The following GNPDA2 variants were observed in gnomAD, a reference collection of about 807,000 sequenced individuals.
GNPDA2 encodes glcN6P deaminase 2.
In GNPDA2, 24 loss-of-function variants were observed where a neutral mutation model predicts 27.0. The ratio of observed to expected loss-of-function variants is 0.89; its 90% CI spans 0.64 to 1.25. The LOEUF (loss-of-function observed/expected upper bound fraction) is 1.25, where lower values mean the gene tolerates loss of function less well. Ranked by LOEUF, GNPDA2 falls within the 50% of genes most tolerant of loss-of-function variation. The probability of loss-of-function intolerance (pLI) is 0.00; values close to 1 mark genes in which losing one functional copy is unlikely to be tolerated. For missense variants in GNPDA2, 286 were observed against 335.1 expected, an observed-to-expected ratio of 0.85 and a Z score of 1.14; for synonymous variants, 94 against 108.4, an observed-to-expected ratio of 0.87 and a Z score of 0.83.
intron 5 of GNPDA2, among the ~76,000 whole-genome samples, chr4:44,708,583 G>A (rs139939081): frequency 8.0e-4 from 121 of 152,068 alleles, no homozygotes; most frequent in African/African-American, 2.7e-3. Context: ...TTGGTCCCCA[G>A]GCCCTAAATG....
chr4:44,707,559 GAAA>G (rs11337450), intron 6 of GNPDA2, 190 bp downstream of exon 6: 561 of 360,718 alleles, frequency 1.6e-3, no homozygotes, highest in South Asian at 4.9e-3. Flanking sequence ...TTCTCTTCAT[GAAA>G]AAAAAAAAAA....
chr4:44,724,374 AT>A (rs1309361009), intron 1 of GNPDA2, among the ~76,000 whole-genome samples: 2 of 152,124 alleles, frequency 1.3e-5, no homozygotes, highest in African/African-American at 4.8e-5. Flanking sequence ...ATAATGAATT[AT>A]TTTCCTTCGG....
chr4:44,702,394 A>G lies in GNPDA2; in HGVS notation c.*687T>C. 2 of 964,840 alleles carry G rather than the reference A, an allele frequency of 2.1e-6. No homozygotes were observed. Among genetic ancestry groups the G allele is most frequent in the Non-Finnish European group, 2.5e-6 (2 of 810,926 alleles). The allele number at this position is 964,840 out of a possible 1,614,324, so 59.8% of individuals were successfully genotyped here. ...AAAGCTCATAATTGTCAAGATACTTATATTAGGGACATGAACCCAAGTCGT... is the reference window on the plus strand; with the variant it reads ...AAAGCTCATAATTGTCAAGATACTTGTATTAGGGACATGAACCCAAGTCGT... On this transcript the variant is annotated 3_prime_UTR_variant, in exon 7 of 7. Coordinates refer to ENST00000295448, the MANE Select transcript of GNPDA2 (RefSeq NM_138335.3).
chr4:44,715,945 T>G (rs1560361585), intron 4 of GNPDA2, among the ~76,000 whole-genome samples: 1 of 152,118 alleles, frequency 6.6e-6, no homozygotes, highest in East Asian at 1.9e-4. Flanking sequence ...TATTTCCGCA[T>G]TTACAGTTGA....
At chr4:44,720,025 T>A (rs1215709367) in intron 2 of GNPDA2, among the ~76,000 whole-genome samples, 2 of 152,074 alleles carry the variant, frequency 1.3e-5, no homozygotes, top group Non-Finnish European at 2.9e-5. Context: ...TAAAAAAGAC[T>A]ACAATCTTGC....
At chr4:44,711,242 C>T in intron 4 of GNPDA2, 105 bp from the exon 5 acceptor site, 1 of 599,546 alleles carries the variant, frequency 1.7e-6, no homozygotes, top group South Asian at 4.2e-5. Flanking sequence ...TTATTTTATA[C>T]TTGAATTCCT....
At chr4:44,718,802 T>G (rs540518880) in intron 2 of GNPDA2, among the ~76,000 whole-genome samples, 1 of 152,080 alleles carries the variant, frequency 6.6e-6, no homozygotes, top group South Asian at 2.1e-4. Context: ...GACCATTTAC[T>G]GAAATTAAAA....
chr4:44,711,034 G>A lies in GNPDA2; in HGVS notation c.513C>T (p.Ala171=). 6.2e-7 allele frequency: 1 copy of A among 1,613,114 alleles called. No individual in the cohort carries two copies. Among genetic ancestry groups the A allele is most frequent in the Non-Finnish European group, 8.5e-7 (1 of 1,179,518 alleles). ...TTGATAAATCTCCATCAAAATATTT[G>A]GCATTTGCCAAGATGGTATCCATTG... ...TLAMDTILAN[A]KYFDGDLSKV... Residue 171 remains alanine, a synonymous_variant, in exon 5 of 7, where the codon GCC becomes GCT. Transcript: ENST00000295448.
intron 4 of GNPDA2, among the ~76,000 whole-genome samples, chr4:44,715,384 A>G (rs1483097781): frequency 6.6e-6 from 1 of 152,174 alleles, no homozygotes; most frequent in Non-Finnish European, 1.5e-5. Flanking sequence ...AGGGGGAAAG[A>G]AAGTCTACAA....
chr4:44,726,232 G>A (rs992167006), intron 1 of GNPDA2, among the ~76,000 whole-genome samples: 15 of 143,872 alleles, frequency 1.0e-4, no homozygotes, highest in Non-Finnish European at 1.9e-4. Flanking sequence ...AAGAAGCCGC[G>A]AGAGAGGAGA....
At chr4:44,709,270 T>C (rs1716816792) in intron 5 of GNPDA2, among the ~76,000 whole-genome samples, 1 of 152,022 alleles carries the variant, frequency 6.6e-6, no homozygotes, top group South Asian at 2.1e-4. Context: ...AAGCTTAGTA[T>C]AGGATGAAGA....
In GNPDA2 at chr4:44,717,304, G is replaced by A; in HGVS notation, c.227-9C>T. The A allele has an allele frequency of 7.1e-7, 1 of 1,401,858 alleles. No individual in the cohort carries two copies. The allele number at this position is 1,401,858 out of a possible 1,614,324, so 86.8% of individuals were successfully genotyped here. A position where few individuals can be genotyped will look rare whatever the true frequency, so the allele number is the denominator to read the frequency against. ...ATGATTTCTTGGAAGTCCTAAAGAT[G>A]AAGTTAATAAAAATATAAGTATTCC... On this transcript the variant is annotated splice_polypyrimidine_tract_variant and intron_variant, in intron 3 of 6. Transcript: ENST00000295448.
chr4:44,702,973 C>T lies in GNPDA2; in HGVS notation c.*108G>A. The T allele has an allele frequency of 6.5e-7, 1 of 1,547,204 alleles. No individual in the cohort carries two copies. Among genetic ancestry groups the T allele is most frequent in the Non-Finnish European group, 8.7e-7 (1 of 1,155,886 alleles). On this transcript the variant is annotated 3_prime_UTR_variant, in exon 7 of 7. Transcript: ENST00000295448. ...CATAGAGACTCGAATGAAAAAATGA[C>T]AATCTTCAAAATTCCCCATGTTTTG...
At chr4:44,704,344 A>G in intron 6 of GNPDA2, 1 of 958,616 alleles carries the variant, frequency 1.0e-6, no homozygotes, top group Non-Finnish European at 1.2e-6. Flanking sequence ...CCAGAGTATC[A>G]CTTTGTAGAG....
At chr4:44,714,730 C>T (rs905786192) in intron 4 of GNPDA2, 1 of 877,108 alleles carries the variant, frequency 1.1e-6, no homozygotes, top group African/African-American at 1.8e-5. Flanking sequence ...GATGATAAAC[C>T]TAGATCAACA....
chr4:44,725,943 G>A (rs766233599), intron 1 of GNPDA2, among the ~76,000 whole-genome samples: 6 of 152,156 alleles, frequency 3.9e-5, no homozygotes, highest in Non-Finnish European at 8.8e-5. Flanking sequence ...TAATGGCGGG[G>A]CCAAGACCAG....
Position 44,707,862 on chromosome 4 carries a change from A to G in GNPDA2, c.659T>C (p.Val220Ala). The change falls in exon 6 of 7, where the codon GTC (valine) becomes GCC (alanine). Residue 220 changes from valine (V) to alanine (A), a missense_variant. Transcript: ENST00000295448. ...FALYKAIEEG[V>A]NHMWTVSAFQ... is the part of the protein sequence containing the mutation. ...AGCGGAAACAGTCCACATGTGATTG[A>G]CTCCTTCTTCTATTGCTTTGTACAG... 6.2e-7 allele frequency: 1 copy of G among 1,612,960 alleles called. No individual in the cohort carries two copies. Among genetic ancestry groups the G allele is most frequent in the Non-Finnish European group, 8.5e-7 (1 of 1,179,278 alleles).
chr4:44,718,304 C>A lies in GNPDA2; in HGVS notation c.226+5G>T. On this transcript the variant is annotated splice_donor_5th_base_variant and intron_variant, in intron 3 of 6. Transcript: ENST00000295448. ...TAATGGTCAATATATTTAAGTATAG[C>A]TTACCTACATATTCATCCATATTAA... 9.1e-7 allele frequency: 1 copy of A among 1,092,918 alleles called. No homozygotes were observed. Among genetic ancestry groups the A allele is most frequent in the Non-Finnish European group, 1.3e-6 (1 of 754,338 alleles). The allele number at this position is 1,092,918 out of a possible 1,614,324, so 67.7% of individuals were successfully genotyped here. A position where few individuals can be genotyped will look rare whatever the true frequency, so the allele number is the denominator to read the frequency against.
At chr4:44,724,566 T>C (rs1218223800) in intron 1 of GNPDA2, among the ~76,000 whole-genome samples, 1 of 109,400 alleles carries the variant, frequency 9.1e-6, no homozygotes, top group Non-Finnish European at 2.3e-5. Flanking sequence ...AGATTTTTAA[T>C]TCTTATTTTT....
Sources: allele counts gnomAD v4.1 joint callset (sites outside exome capture counted in the v4.1 genomes callset), GRCh38; gene constraint gnomAD v4.1.1; transcripts MANE v1.5; gene names NCBI Gene and HGNC (gene_info 2026-07-23, HGNC 2026-07-21).